The following MUC3A variants were observed in gnomAD, a reference collection of about 807,000 sequenced individuals.
The protein encoded by MUC3A is mucin-3A.
MUC3A carries 109 observed loss-of-function variants against 109.0 expected under a neutral mutation model. That is an observed-to-expected ratio of 1.00 (90% CI 0.86 to 1.17). The LOEUF is 1.17. Ranked by LOEUF, MUC3A falls within the 50% of genes most tolerant of loss-of-function variation. MUC3A has a pLI of 0.00. For synonymous variants in MUC3A, 1,398 were observed against 981.4 expected (o/e 1.42, Z -7.93); for missense variants, 3,537 against 2,469.4 (o/e 1.43, Z -9.16).
rs587630866 is a variant in MUC3A, at chr7:100,966,946, A to G, written c.9925A>G (p.Met3309Val). ...YVALENVDTT[M>V]KVHIKRPEMT... ...GGCCTTGGAGAACGTGGACACCACT[A>G]TGAAGGTGAGGGGCTAAAGAGGGGG... Residue 3309 changes from methionine to valine, a missense_variant, in exon 11 of 12, where the codon ATG becomes GTG. By Grantham distance (21) the Met-to-Val change is conservative. Transcript: ENST00000379458. The G allele has an allele frequency of 1.6e-5, 25 of 1,598,528 alleles. No individual in the cohort carries two copies. In the African/African-American group the frequency reaches 1.9e-4, roughly 12 times the overall value.
At chr7:100,962,519 G>C (rs1792362301) in intron 3 of MUC3A, among the ~76,000 whole-genome samples, 1 of 152,312 alleles carries the variant, frequency 6.6e-6, no homozygotes, top group Non-Finnish European at 1.5e-5. Flanking sequence ...TGGGGATTAG[G>C]ACATGGACAT....
chr7:100,967,424 A>G lies in MUC3A; in HGVS notation c.*262A>G, dbSNP rs2116232064. 1.6e-6 allele frequency: 1 copy of G among 606,400 alleles called. No individual in the cohort carries two copies. The highest frequency in any genetic ancestry group is 2.9e-6 in the Non-Finnish European group (1 of 343,828). 37.6% of individuals were successfully genotyped at this position (606,400 alleles called of 1,614,324 possible). A position where few individuals can be genotyped will look rare whatever the true frequency, so the allele number is the denominator to read the frequency against. On this transcript the variant is annotated 3_prime_UTR_variant, in exon 12 of 12. Transcript: ENST00000379458. ...CGAGCCTCAGTTTCCTCACCTGCAA[A>G]ACGGGTACAGCATTCCTGTATGATA...
rs769606985 is a variant in MUC3A at position 100,960,040 on chromosome 7, A to C, written c.8261A>C (p.Glu2754Ala). The C allele has an allele frequency of 5.3e-6, 8 of 1,509,760 alleles. No individual in the cohort carries two copies. The South Asian group carries it at 1.1e-4, about 20-fold the overall frequency. The allele number at this position is 1,509,760 out of a possible 1,614,324, so 93.5% of individuals were successfully genotyped here. Residue 2754 changes from glutamate (E) to alanine (A), a missense_variant, in exon 2 of 12, where the codon GAA (glutamate) becomes GCA (alanine). By Grantham distance (107) the Glu-to-Ala change is moderately radical. Coordinates refer to ENST00000379458, the MANE Select transcript of MUC3A (RefSeq NM_005960.2). ...TSSSLTTALT[E>A]ITPFSYISLP... ...TCCTCTCTGACCACAGCTCTCACTGAAATAACCCCCTTTTCTTATATTTCC... is the reference window on the plus strand; with the variant it reads ...TCCTCTCTGACCACAGCTCTCACTGCAATAACCCCCTTTTCTTATATTTCC...
intron 6 of MUC3A, 45 bp downstream of exon 6, chr7:100,964,888 C>A: frequency 1.9e-6 from 3 of 1,551,994 alleles, no homozygotes; most frequent in Non-Finnish European, 2.6e-6. Context: ...AGGTGTCACC[C>A]CAGCCCACTC....
In MUC3A at chr7:100,952,170, C is replaced by G. The variant is rs556158641; in HGVS notation, c.391C>G (p.Pro131Ala). 3 of 1,598,506 alleles carry G rather than the reference C, an allele frequency of 1.9e-6. No individual in the cohort carries two copies. The highest frequency in any genetic ancestry group is 2.5e-6 in the Non-Finnish European group (3 of 1,179,748). Residue 131 changes from proline to alanine, a missense_variant, in exon 2 of 12, where the codon CCA becomes GCA. Pro to Ala is a conservative substitution (Grantham distance 27). Transcript: ENST00000379458. The part of the protein sequence containing the change: ...VYSATTECVY[P>A]TSFIITISHP... ...TTCAGCCACCACTGAGTGCGTGTAT[C>G]CAACGAGCTTTATAATCACCATCTC...
Position 100,960,326 on chromosome 7 carries a change from C to T in MUC3A, c.8547C>T (p.Ser2849=), listed in dbSNP as rs1325855552. 4 of 1,598,418 alleles carry T rather than the reference C, an allele frequency of 2.5e-6. No homozygotes were observed. The highest frequency in any genetic ancestry group is 1.6e-4 in the Middle Eastern group (1 of 6,078). Residue 2849 remains serine (S), a synonymous_variant, in exon 2 of 12, where the codon TCC becomes TCT. Coordinates refer to ENST00000379458, the MANE Select transcript of MUC3A (RefSeq NM_005960.2). ...ESSISPNASS[S]TGTGTVPTNT... ...GCATCTCACCCAATGCTTCCAGTTC[C>T]ACTGGCACTGGGACTGTACCCACAA...
rs1792147056 is a variant in MUC3A, at chr7:100,958,009, C to A, written c.6230C>A (p.Thr2077Asn). The change falls in exon 2 of 12, where the codon ACT becomes AAT. Residue 2077 changes from threonine (T) to asparagine (N), a missense_variant. By Grantham distance (65) the Thr-to-Asn change is moderately conservative. Transcript: ENST00000379458. ...ACCTCACACAGTACTCTCAGCTACA[C>A]TACCTCAATCACCACCACCGAGACC... ...EITSHSTLSY[T>N]TSITTTETPS... The A allele has an allele frequency of 2.1e-5, 18 of 870,192 alleles. No homozygotes were observed. The East Asian group carries it at 3.7e-4, about 18-fold the overall frequency. The allele number at this position is 870,192 out of a possible 1,614,324, so 53.9% of individuals were successfully genotyped here. A position where few individuals can be genotyped will look rare whatever the true frequency, so the allele number is the denominator to read the frequency against.
intron 5 of MUC3A, 118 bp from the exon 6 acceptor site, chr7:100,964,577 A>C: frequency 7.0e-7 from 1 of 1,436,694 alleles, no homozygotes; most frequent in Non-Finnish European, 9.2e-7. Flanking sequence ...TGGCATCCCA[A>C]CTCATGACCT....
Position 100,967,338 on chromosome 7 carries a change from C to T in MUC3A, c.*176C>T. 1.0e-6 allele frequency: 1 copy of T among 1,002,240 alleles called. No homozygotes were observed. Among genetic ancestry groups the T allele is most frequent in the Non-Finnish European group, 1.4e-6 (1 of 690,074 alleles). The allele number at this position is 1,002,240 out of a possible 1,614,324, so 62.1% of individuals were successfully genotyped here. A position where few individuals can be genotyped will look rare whatever the true frequency, so the allele number is the denominator to read the frequency against. ...TTCTCCTTCCAACTTGGCTGAAACC[C>T]ACCTGGAGACGCAGTTCACGTCCAG... On this transcript the variant is annotated 3_prime_UTR_variant, in exon 12 of 12. Coordinates refer to ENST00000379458, the MANE Select transcript of MUC3A (RefSeq NM_005960.2).
In MUC3A at chr7:100,966,934, G is replaced by A. The variant is rs1486278804; in HGVS notation, c.9913G>A (p.Val3305Met). 6 of 1,598,540 alleles carry A rather than the reference G, an allele frequency of 3.8e-6. No homozygotes were observed. The highest frequency in any genetic ancestry group is 5.1e-6 in the Non-Finnish European group (6 of 1,179,816). The part of the protein sequence containing the change: ...DTNFYVALEN[V>M]DTTMKVHIKR... The stretch of plus-strand genomic sequence containing the variant: ...AAATTTCTATGTGGCCTTGGAGAAC[G>A]TGGACACCACTATGAAGGTGAGGGG... The change falls in exon 11 of 12, where the codon GTG becomes ATG. Residue 3305 changes from valine (V) to methionine (M), a missense_variant. Transcript: ENST00000379458.
chr7:100,966,353 G>A, intron 8 of MUC3A, 33 bp from the exon 9 acceptor site: 6 of 1,304,656 alleles, frequency 4.6e-6, no homozygotes, highest in Non-Finnish European at 4.8e-6. Context: ...GAGCCCGGAG[G>A]TGAAGAGGGT....
rs767505436 is a variant in MUC3A, at chr7:100,960,807, G to C, written c.8922G>C (p.Gly2974=). The C allele has an allele frequency of 1.9e-6, 3 of 1,598,534 alleles. No homozygotes were observed. Among genetic ancestry groups the C allele is most frequent in the Admixed American group, 3.3e-5 (2 of 60,030 alleles). ...WEQGQCACLP[G]FSGDRCQLQT... is the part of the protein sequence containing the mutation. ...AGGGCCAGTGTGCTTGCCTTCCGGG[G>C]TTTTCTGGGGACCGCTGTCAGCTCC... The change falls in exon 3 of 12, where the codon GGG becomes GGC. Residue 2974 remains glycine (G), a synonymous_variant. Coordinates refer to ENST00000379458, the MANE Select transcript of MUC3A (RefSeq NM_005960.2).
At chr7:100,949,718 A>G (rs1242304437) in intron 1 of MUC3A, 33 bp downstream of exon 1, 4 of 1,496,568 alleles carry the variant, frequency 2.7e-6, no homozygotes, top group South Asian at 1.3e-5. Flanking sequence ...GGTTGGAGAA[A>G]AGCTCCTGAT....
At position 100,966,456 on chromosome 7, in the gene MUC3A, G is replaced by C. The variant is rs1312229109; in HGVS notation, c.9682G>C (p.Val3228Leu). ...CEVAVHWRALVGGLTAGAALL... is the reference protein window; with the variant it reads ...CEVAVHWRALLGGLTAGAALL... ...GGTGGCCGTCCACTGGAGGGCGCTG[G>C]TCGGGGGCCTGACGGCCGGCGCCGC... is the stretch of plus-strand genomic sequence containing the variant. Residue 3228 changes from valine to leucine, a missense_variant, in exon 9 of 12, where the codon GTC becomes CTC. Transcript: ENST00000379458. 8.9e-6 allele frequency: 12 copies of C among 1,345,806 alleles called. No homozygotes were observed. The South Asian group carries it at 2.8e-4, about 31-fold the overall frequency. The allele number at this position is 1,345,806 out of a possible 1,614,324, so 83.4% of individuals were successfully genotyped here. A position where few individuals can be genotyped will look rare whatever the true frequency, so the allele number is the denominator to read the frequency against.
Position 100,964,708 on chromosome 7 carries a change from G to A in MUC3A, c.9247G>A (p.Val3083Met), listed in dbSNP as rs745865003. The A allele has an allele frequency of 2.6e-5, 41 of 1,598,152 alleles. No homozygotes were observed. Among genetic ancestry groups the A allele is most frequent in the South Asian group, 2.1e-4 (19 of 91,046 alleles). ...TGGACCCCTCAGGAATGGCAGCATC[G>A]TGGTGGACTACCTGGTCCTGCTGGA... is the stretch of plus-strand genomic sequence containing the variant. ...EILSLRNGSI[V>M]VDYLVLLEMP... The change falls in exon 6 of 12, where the codon GTG becomes ATG. Residue 3083 changes from valine (V) to methionine (M), a missense_variant. Val to Met is a conservative substitution (Grantham distance 21). Transcript: ENST00000379458.
Position 100,964,807 on chromosome 7 carries a change from G to A in MUC3A, c.9346G>A (p.Ala3116Thr), listed in dbSNP as rs369096420. 2.9e-5 allele frequency: 47 copies of A among 1,598,200 alleles called. No individual in the cohort carries two copies. Among genetic ancestry groups the A allele is most frequent in the African/African-American group, 2.8e-4 (21 of 75,056 alleles). The change falls in exon 6 of 12, where the codon GCC (alanine) becomes ACC (threonine). Residue 3116 changes from alanine (A) to threonine (T), a missense_variant. Transcript: ENST00000379458. ...KTTLKEGLQN[A>T]SQDVNSCQDS... ...CACGCTGAAGGAGGGGCTGCAGAAC[G>A]CCAGCCAGGATGTGAACAGCTGCCA...
chr7:100,964,868 C>A, intron 6 of MUC3A, 25 bp downstream of exon 6: 1 of 1,586,534 alleles, frequency 6.3e-7, no homozygotes, highest in South Asian at 1.1e-5. Context: ...GAGGGAGGGG[C>A]CAGGGCCTGA....
In MUC3A at chr7:100,966,513, GT is replaced by G; in HGVS notation, c.9740del (p.Val3247AlafsTer63). ...LLVLLLLALG[V>X]RAVRSGWWGG... ...GGTGCTGCTGCTGCTGGCGCTGGGC[GT>G]CCGGGCGGTGCGCTCCGGATGGTGG... On this transcript the variant is annotated frameshift_variant, in exon 9 of 12. Transcript: ENST00000379458. LOFTEE classifies it high-confidence loss of function. 1 of 1,302,088 alleles carries G rather than the reference GT, an allele frequency of 7.7e-7. No homozygotes were observed. Among genetic ancestry groups the G allele is most frequent in the Non-Finnish European group, 9.7e-7 (1 of 1,034,688 alleles). 80.7% of individuals were successfully genotyped at this position (1,302,088 alleles called of 1,614,324 possible). A position where few individuals can be genotyped will look rare whatever the true frequency, so the allele number is the denominator to read the frequency against.
At chr7:100,966,258 T>TCTAGGGTGGCACCCCCCAGCTTGCC in intron 8 of MUC3A, 128 bp from the exon 9 acceptor site, 1 of 423,178 alleles carries the variant, frequency 2.4e-6, no homozygotes, top group Non-Finnish European at 3.1e-6. Context: ...CAGCCCCTTG[T>TCTAGGGTGGCACCCCCCAGCTTGCC]CTAGGGTGGA....
Sources: gnomAD v4.1 joint callset for allele counts (sites outside exome capture counted in the v4.1 genomes callset) on GRCh38, gnomAD v4.1.1 for gene constraint, MANE v1.5 for transcripts, NCBI Gene and HGNC (gene_info 2026-07-23, HGNC 2026-07-21) for gene names.